NCKAP5: variants seen among roughly 807,000 people sequenced by gnomAD.
NCKAP5 encodes the protein NCK associated protein 5, also known as nck-associated protein 5.
A neutral mutation model predicts 167.0 loss-of-function variants in NCKAP5; 92 were observed. That is an observed-to-expected ratio of 0.55 (90% confidence interval 0.47 to 0.66). NCKAP5 has a LOEUF of 0.66. NCKAP5 is among the 30% of genes least tolerant of loss of function. The pLI is 0.00. For synonymous variants in NCKAP5, 891 were observed against 877.4 expected (o/e 1.02, Z -0.27); for missense variants, 2,378 against 2,315.0 (o/e 1.03, Z -0.56).
At chr2:133,387,549 T>G (rs1002900374) in intron 3 of NCKAP5, among the ~76,000 whole-genome samples, 1 of 152,188 alleles carries the variant, frequency 6.6e-6, no homozygotes, top group Non-Finnish European at 1.5e-5. Context: ...TCGAGGAGTA[T>G]CTTTGTAGCA....
intron 8 of NCKAP5, among the ~76,000 whole-genome samples, chr2:132,950,684 C>T (rs6752737): frequency 0.29 from 44,770 of 152,004 alleles, 8,450 homozygotes; most frequent in African/African-American, 0.5. Flanking sequence ...TTTTATCATA[C>T]GAACTTAGAA....
At chr2:133,008,429 A>G (rs760879971) in intron 6 of NCKAP5, among the ~76,000 whole-genome samples, 5 of 152,234 alleles carry the variant, frequency 3.3e-5, no homozygotes, top group Non-Finnish European at 5.9e-5. Context: ...TCAGTAAGAC[A>G]GTTAATAGAC....
At chr2:132,774,391 A>T (rs1574158220) in intron 15 of NCKAP5, among the ~76,000 whole-genome samples, 1 of 152,110 alleles carries the variant, frequency 6.6e-6, no homozygotes, top group East Asian at 1.9e-4. Flanking sequence ...TAAGAAGATA[A>T]TTTTTTTTCA....
intron 5 of NCKAP5, among the ~76,000 whole-genome samples, chr2:133,175,070 G>A (rs2084400545): frequency 6.6e-6 from 1 of 152,194 alleles, no homozygotes; most frequent in South Asian, 2.1e-4. Context: ...TCTGATAAGT[G>A]AGAAATGGTA....
chr2:133,493,905 C>T (rs1681693335), intron 3 of NCKAP5, among the ~76,000 whole-genome samples: 3 of 152,192 alleles, frequency 2.0e-5, no homozygotes, highest in Admixed American at 6.5e-5. Flanking sequence ...CTCCCTGGCT[C>T]TCCATCACCC....
At chr2:133,424,629 T>C (rs1689678177) in intron 3 of NCKAP5, among the ~76,000 whole-genome samples, 1 of 152,226 alleles carries the variant, frequency 6.6e-6, no homozygotes, top group South Asian at 2.1e-4. Flanking sequence ...AACAAAAATG[T>C]AAAAACCTAG....
chr2:133,308,366 G>A (rs973403405), intron 3 of NCKAP5, among the ~76,000 whole-genome samples: 1 of 152,064 alleles, frequency 6.6e-6, no homozygotes, highest in African/African-American at 2.4e-5. Flanking sequence ...GGGATTACAG[G>A]CGTGAGCCAC....
chr2:133,197,620 A>G (rs555741247), intron 5 of NCKAP5, among the ~76,000 whole-genome samples: 1 of 152,134 alleles, frequency 6.6e-6, no homozygotes, highest in African/African-American at 2.4e-5. Context: ...AAACAAAAAC[A>G]GGGCTTTAAA....
chr2:132,751,157 T>C (rs1051106780), intron 16 of NCKAP5, among the ~76,000 whole-genome samples: 1 of 152,114 alleles, frequency 6.6e-6, no homozygotes, highest in Non-Finnish European at 1.5e-5. Flanking sequence ...GGATCCCTCA[T>C]GAATAGCTTG....
chr2:133,427,439 T>G (rs925916144), intron 3 of NCKAP5, among the ~76,000 whole-genome samples: 2 of 152,210 alleles, frequency 1.3e-5, no homozygotes, highest in East Asian at 1.9e-4. Context: ...CATGACAGTC[T>G]GATTTTATTT....
chr2:132,981,137 TTG>T lies in NCKAP5; in HGVS notation c.429+13013_429+13014del, dbSNP rs555991986. On this transcript the variant is annotated intron_variant, in intron 7 of 19. Transcript: ENST00000409261. ...ACCTGTACATTTTGTAATAAGAAGG[TTG>T]TTAGTGGGAACTTGAGAGCTGTTTG... Among the ~76,000 whole-genome samples, 137 of 152,260 alleles carry T rather than the reference TTG, an allele frequency of 9.0e-4. 1 individual carries two copies. Among genetic ancestry groups the T allele is most frequent in the Non-Finnish European group, 1.7e-3 (118 of 68,014 alleles).
intron 3 of NCKAP5, among the ~76,000 whole-genome samples, chr2:133,478,173 A>G (rs1275871156): frequency 6.6e-6 from 1 of 152,154 alleles, no homozygotes; most frequent in Admixed American, 6.5e-5. Flanking sequence ...TCTCTTTTAG[A>G]TATTGTTCTC....
chr2:132,877,033 A>C (rs1691333688), intron 9 of NCKAP5, among the ~76,000 whole-genome samples: 1 of 152,226 alleles, frequency 6.6e-6, no homozygotes, highest in African/African-American at 2.4e-5. Flanking sequence ...GCAGGAGGTT[A>C]AAGTGAAACT....
chr2:133,524,817 A>G (rs1458828144), intron 2 of NCKAP5, among the ~76,000 whole-genome samples: 3 of 152,192 alleles, frequency 2.0e-5, no homozygotes, highest in African/African-American at 7.2e-5. Context: ...TCAGCTCAAT[A>G]ACTTTCTCCT....
At chr2:133,607,281 T>C in the NCKAP5 span, among the ~76,000 whole-genome samples, 1 of 152,296 alleles carries the variant, frequency 6.6e-6, no homozygotes, top group East Asian at 1.9e-4. Flanking sequence ...CTCTAGATAG[T>C]GGAGGTGAGT....
At chr2:133,517,635 G>A in intron 2 of NCKAP5, 48 bp from the exon 3 acceptor site, 1 of 599,896 alleles carries the variant, frequency 1.7e-6, no homozygotes, top group Non-Finnish European at 2.6e-6. Flanking sequence ...ACAGTGTTTA[G>A]ACCTTTGTTT....
intron 7 of NCKAP5, among the ~76,000 whole-genome samples, chr2:132,974,516 C>G (rs1208817443): frequency 2.0e-5 from 3 of 152,146 alleles, no homozygotes; most frequent in East Asian, 1.9e-4. Context: ...AAGGAAACAG[C>G]CTCTAATGGG....
the NCKAP5 span, among the ~76,000 whole-genome samples, chr2:133,639,489 A>G: frequency 6.6e-6 from 1 of 152,196 alleles, no homozygotes; most frequent in Non-Finnish European, 1.5e-5. Flanking sequence ...TGCACTTTTC[A>G]TAGTTTTCCA....
intron 11 of NCKAP5, among the ~76,000 whole-genome samples, chr2:132,804,790 T>A (rs1685306429): frequency 6.6e-6 from 1 of 152,066 alleles, no homozygotes; most frequent in African/African-American, 2.4e-5. Context: ...GAACCCAAGA[T>A]GACAGAAGCG....
Sources: gnomAD v4.1 joint callset for allele counts (sites outside exome capture counted in the v4.1 genomes callset) on GRCh38, gnomAD v4.1.1 for gene constraint, MANE v1.5 for transcripts, NCBI Gene and HGNC (gene_info 2026-07-23, HGNC 2026-07-21) for gene names.